The following HTR7 variants were observed in gnomAD, a reference collection of about 807,000 sequenced individuals.
The protein encoded by HTR7 is 5-hydroxytryptamine receptor 7.
A neutral mutation model predicts 34.0 loss-of-function variants in HTR7; 16 were observed. The observed-to-expected ratio is 0.47, with a 90% CI of 0.32 to 0.71. The LOEUF (loss-of-function observed/expected upper bound fraction) is 0.71. HTR7 is among the 30% of genes least tolerant of loss of function. HTR7 has a pLI of 0.04. For missense variants in HTR7, 504 were observed against 625.5 expected (o/e 0.81, Z 2.07); for synonymous variants, 265 against 260.2 (o/e 1.02, Z -0.18).
At chr10:90,830,721 G>A (rs1260859323) in intron 1 of HTR7, among the ~76,000 whole-genome samples, 2 of 150,988 alleles carry the variant, frequency 1.3e-5, no homozygotes, top group South Asian at 2.1e-4. Flanking sequence ...CCGGGAGATG[G>A]AGGCAGCAGT....
intron 1 of HTR7, among the ~76,000 whole-genome samples, chr10:90,772,679 T>A (rs959783160): frequency 2.6e-5 from 4 of 152,216 alleles, no homozygotes; most frequent in African/African-American, 4.8e-5. Context: ...CTGCTTTGTC[T>A]AAGTTTAATG....
At chr10:90,835,078 T>C (rs1168601697) in intron 1 of HTR7, among the ~76,000 whole-genome samples, 11 of 152,318 alleles carry the variant, frequency 7.2e-5, no homozygotes, top group Non-Finnish European at 1.3e-4. Context: ...GATGTAGTAA[T>C]GTGTATGTTT....
At chr10:90,845,548 AC>A (rs1846402701) in intron 1 of HTR7, among the ~76,000 whole-genome samples, 1 of 152,116 alleles carries the variant, frequency 6.6e-6, no homozygotes, top group Non-Finnish European at 1.5e-5. Context: ...CTCGAAAAAC[AC>A]CCTCACAAGG....
chr10:90,749,724 T>G lies in HTR7; in HGVS notation c.540-130A>C. ...TCTAGGTAGGCATCATTACTCCCATTTTGCAGAAAGGTAAACTAAGGCTCT... is the reference window on the plus strand; with the variant it reads ...TCTAGGTAGGCATCATTACTCCCATGTTGCAGAAAGGTAAACTAAGGCTCT... On this transcript the variant is annotated intron_variant, in intron 1 of 3. Coordinates refer to ENST00000336152, the MANE Select transcript of HTR7 (RefSeq NM_019859.4). The surrounding 1 kb of genome is among the most constrained non-coding windows in gnomAD (Gnocchi z 4.2). 1.3e-6 allele frequency: 1 copy of G among 798,486 alleles called. No homozygotes were observed. Among genetic ancestry groups the G allele is most frequent in the Non-Finnish European group, 2.0e-6 (1 of 504,608 alleles). The allele number at this position is 798,486 out of a possible 1,614,324, so 49.5% of individuals were successfully genotyped here.
chr10:90,845,628 C>T (rs1846404147), intron 1 of HTR7, among the ~76,000 whole-genome samples: 1 of 152,214 alleles, frequency 6.6e-6, no homozygotes, highest in African/African-American at 2.4e-5. Flanking sequence ...AAAACGCATT[C>T]ATAAAATGGT....
chr10:90,803,497 C>T (rs1005544391), intron 1 of HTR7, among the ~76,000 whole-genome samples: 1 of 152,180 alleles, frequency 6.6e-6, no homozygotes, highest in African/African-American at 2.4e-5. Flanking sequence ...CCATTTGATG[C>T]ACAAGGTTGA....
chr10:90,817,410 C>G (rs1845914171), intron 1 of HTR7, among the ~76,000 whole-genome samples: 1 of 152,218 alleles, frequency 6.6e-6, no homozygotes, highest in Admixed American at 6.5e-5. Flanking sequence ...TTTCACCCCT[C>G]CCTAAGGTAA....
chr10:90,791,315 G>A (rs576900424), intron 1 of HTR7, among the ~76,000 whole-genome samples: 1 of 151,998 alleles, frequency 6.6e-6, no homozygotes, highest in South Asian at 2.1e-4. Flanking sequence ...CATAAATAAT[G>A]TATATTATAC....
chr10:90,828,949 A>G (rs563898840), intron 1 of HTR7, among the ~76,000 whole-genome samples: 27 of 152,288 alleles, frequency 1.8e-4, no homozygotes, highest in South Asian at 4.1e-4. Flanking sequence ...AAGAAAGAAA[A>G]AAAAAGTACA....
intron 1 of HTR7, among the ~76,000 whole-genome samples, chr10:90,807,952 C>A (rs1482883263): frequency 1.3e-5 from 2 of 152,186 alleles, no homozygotes; most frequent in Non-Finnish European, 2.9e-5. Flanking sequence ...TTCTCCTTTC[C>A]ACTCTTCAAT....
At chr10:90,764,859 TTA>T (rs1259705536) in intron 1 of HTR7, among the ~76,000 whole-genome samples, 7 of 152,178 alleles carry the variant, frequency 4.6e-5, no homozygotes, top group African/African-American at 1.7e-4. Context: ...TATATTATTT[TTA>T]TCTTTCCTCC....
intron 1 of HTR7, among the ~76,000 whole-genome samples, chr10:90,812,931 C>T (rs983724347): frequency 9.2e-5 from 14 of 152,190 alleles, no homozygotes; most frequent in Non-Finnish European, 1.8e-4. Context: ...CCCGCCTTAA[C>T]TGATGACATT....
rs2119647995 is a variant in HTR7 at position 90,740,832 on chromosome 10, GTTAC to G, written c.*1646_*1649del. ...GACATAAGACCTTTAATTAAAAATTGTTACTTACGTTGCTTTATTTCAGCTACAA... is the reference window on the plus strand; with the variant it reads ...GACATAAGACCTTTAATTAAAAATTGTTACGTTGCTTTATTTCAGCTACAA... On this transcript the variant is annotated 3_prime_UTR_variant, in exon 4 of 4. Transcript: ENST00000336152. 1 of 152,588 alleles carries G rather than the reference GTTAC, an allele frequency of 6.6e-6. No homozygotes were observed. The highest frequency in any genetic ancestry group is 2.1e-4 in the South Asian group (1 of 4,816). 9.5% of individuals were successfully genotyped at this position (152,588 alleles called of 1,614,324 possible). A position where few individuals can be genotyped will look rare whatever the true frequency, so the allele number is the denominator to read the frequency against.
chr10:90,787,672 G>GATGAGAAATTGTAAATGA (rs1455937018), intron 1 of HTR7, among the ~76,000 whole-genome samples: 2 of 152,072 alleles, frequency 1.3e-5, no homozygotes, highest in South Asian at 4.1e-4. Flanking sequence ...ATATTTTAGA[G>GATGAGAAATTGTAAATGA]ATGAGAAATT....
intron 1 of HTR7, among the ~76,000 whole-genome samples, chr10:90,815,512 C>T (rs1845885121): frequency 6.6e-6 from 1 of 152,058 alleles, no homozygotes; most frequent in Non-Finnish European, 1.5e-5. Flanking sequence ...GTAAATGCGC[C>T]CCTCAGGCAA....
intron 1 of HTR7, among the ~76,000 whole-genome samples, chr10:90,795,371 A>T (rs1438111026): frequency 6.6e-6 from 1 of 152,234 alleles, no homozygotes; most frequent in Non-Finnish European, 1.5e-5. Context: ...ATACGTACGG[A>T]AAAAAATTAG....
At chr10:90,754,477 CCTCA>C (rs1185840372) in intron 1 of HTR7, among the ~76,000 whole-genome samples, 3 of 152,076 alleles carry the variant, frequency 2.0e-5, no homozygotes, top group Admixed American at 2.0e-4. Flanking sequence ...AACATTTTAT[CCTCA>C]CTGTTAATTA....
chr10:90,857,629 G>A lies in HTR7; in HGVS notation c.43C>T (p.His15Tyr). The A allele has an allele frequency of 6.3e-7, 1 of 1,597,004 alleles. No individual in the cohort carries two copies. The highest frequency in any genetic ancestry group is 1.1e-5 in the South Asian group (1 of 89,134). ...NSSGRPDLYG[H>Y]LRSFLLPEVG... ...TCTGGCAGAAGGAAAGAGCGGAGGT[G>A]CCCGTAGAGGTCCGGGCGGCCGCTG... The change falls in exon 1 of 4, where the codon CAC becomes TAC. Residue 15 changes from histidine to tyrosine, a missense_variant. By Grantham distance (83) the His-to-Tyr change is moderately conservative (BLOSUM62 2). Around this residue, in one of 4 missense-constraint regions of HTR7, gnomAD observed 139 missense variants for 117.1 expected, o/e 1.19. Coordinates refer to ENST00000336152, the MANE Select transcript of HTR7 (RefSeq NM_019859.4). This position sits in a 1 kb window ranked among gnomAD's most constrained non-coding sequence, Gnocchi z 6.5.
intron 1 of HTR7, among the ~76,000 whole-genome samples, chr10:90,754,771 T>G (rs1366846315): frequency 1.3e-5 from 2 of 152,200 alleles, no homozygotes; most frequent in East Asian, 1.9e-4. Context: ...TTAAATGGCT[T>G]CTTCTGAGTT....
Sources: allele counts gnomAD v4.1 joint callset (sites outside exome capture counted in the v4.1 genomes callset), GRCh38; gene constraint gnomAD v4.1.1; regional missense constraint gnomAD v4.1.1; non-coding constraint Gnocchi (gnomAD v3.1); transcripts MANE v1.5; gene names NCBI Gene and HGNC (gene_info 2026-07-23, HGNC 2026-07-21).